GGTA1: variants seen among roughly 807,000 people sequenced by gnomAD.
The protein encoded by GGTA1 is glycoprotein alpha-galactosyltransferase 1 (inactive).
GGTA1 carries 5 observed loss-of-function variants against 2.6 expected under a neutral mutation model. That is an observed-to-expected ratio of 1.92 (90% CI 1.00 to 4.04). The LOEUF is 4.04. Ranked by LOEUF, GGTA1 falls within the 30% of genes most tolerant of loss-of-function variation. The pLI is 0.00. For synonymous variants in GGTA1, 17 were observed against 5.0 expected (o/e 3.38, Z -3.19); for missense variants, 50 against 16.7 (o/e 2.99, Z -3.47).
intron 1 of GGTA1, among the ~76,000 whole-genome samples, chr9:121,471,425 A>T (rs188246511): frequency 6.6e-6 from 1 of 152,364 alleles, no homozygotes; most frequent in African/African-American, 2.4e-5. Flanking sequence ...TTGCTGAGTG[A>T]ATGAAATCAA....
At chr9:121,479,396 G>T in intron 1 of GGTA1, 1 of 315,660 alleles carries the variant, frequency 3.2e-6, no homozygotes, top group South Asian at 2.6e-5. Context: ...TCAGCAGCCA[G>T]GGGCTTTGTT....
At chr9:121,453,740 G>A (rs16910623), downstream of GGTA1, among the ~76,000 whole-genome samples, 16,391 of 152,192 alleles carry the variant, frequency 0.11, 1,168 homozygotes, top group African/African-American at 0.2. Context: ...CAAATACGTC[G>A]GGCCAGCACG....
At chr9:121,492,855 T>A (rs1269139391) in intron 1 of GGTA1, among the ~76,000 whole-genome samples, 1 of 151,878 alleles carries the variant, frequency 6.6e-6, no homozygotes, top group East Asian at 2.0e-4. Context: ...TATTAAGAAC[T>A]AATCTTGAGG....
downstream of GGTA1, chr9:121,452,269 C>A (rs1048474243): frequency 6.5e-5 from 10 of 152,764 alleles, no homozygotes; most frequent in Non-Finnish European, 1.2e-4. Context: ...CTGTCACAAC[C>A]TCTGGGTGTT....
At chr9:121,475,677 A>G (rs1828495318) in intron 1 of GGTA1, among the ~76,000 whole-genome samples, 1 of 152,226 alleles carries the variant, frequency 6.6e-6, no homozygotes, top group African/African-American at 2.4e-5. Context: ...CAAGATTATC[A>G]TAGAGCTTCT....
At chr9:121,457,823 G>A (rs577491660) in intron 5 of GGTA1, among the ~76,000 whole-genome samples, 64 of 151,976 alleles carry the variant, frequency 4.2e-4, no homozygotes, top group African/African-American at 1.5e-3. Flanking sequence ...GGTCACAAAT[G>A]AGGATGTGGT....
At chr9:121,480,061 CT>C (rs532547013) in intron 1 of GGTA1, among the ~76,000 whole-genome samples, 62 of 139,734 alleles carry the variant, frequency 4.4e-4, no homozygotes, top group Admixed American at 5.9e-4. Context: ...CTTTTCTTTT[CT>C]TTTTTTTTTT....
At chr9:121,456,773 G>C (rs1367125158) in intron 5 of GGTA1, among the ~76,000 whole-genome samples, 1 of 152,086 alleles carries the variant, frequency 6.6e-6, no homozygotes, top group African/African-American at 2.4e-5. Flanking sequence ...TGGAATATAG[G>C]TGATCCTCCC....
intron 7 of GGTA1, among the ~76,000 whole-genome samples, chr9:121,448,160 TC>T (rs1208324572): frequency 1.3e-5 from 2 of 152,184 alleles, no homozygotes; most frequent in African/African-American, 4.8e-5. Context: ...TTTACCACCC[TC>T]TGCCTTCCTT....
At chr9:121,468,062 A>G (rs942948452) in intron 1 of GGTA1, 131 bp from the exon 2 acceptor site, 6 of 380,024 alleles carry the variant, frequency 1.6e-5, no homozygotes, top group Non-Finnish European at 3.1e-5. Context: ...TCTGGGATAC[A>G]TGTGCAGAAC....
intron 1 of GGTA1, among the ~76,000 whole-genome samples, chr9:121,479,816 A>C (rs1389075066): frequency 6.6e-6 from 1 of 152,210 alleles, no homozygotes; most frequent in Non-Finnish European, 1.5e-5. Flanking sequence ...CTTCCTCTAC[A>C]TCTTTTAGGC....
intron 1 of GGTA1, among the ~76,000 whole-genome samples, chr9:121,479,552 G>T (rs976266196): frequency 9.9e-5 from 15 of 152,152 alleles, no homozygotes; most frequent in Non-Finnish European, 1.5e-4. Flanking sequence ...CCTAGTATGG[G>T]AGGAGGAAAG....
chr9:121,475,648 C>A (rs898624945), intron 1 of GGTA1, among the ~76,000 whole-genome samples: 2 of 152,314 alleles, frequency 1.3e-5, no homozygotes, highest in African/African-American at 2.4e-5. Context: ...GTTTTTGGAA[C>A]TGGAGATGCT....
intron 1 of GGTA1, among the ~76,000 whole-genome samples, chr9:121,492,319 G>A (rs1447857748): frequency 5.9e-5 from 9 of 152,040 alleles, no homozygotes; most frequent in Admixed American, 5.9e-4. Flanking sequence ...CTTGGGCCTT[G>A]TACCATTTGG....
chr9:121,496,967 T>G (rs1362852613), intron 1 of GGTA1, among the ~76,000 whole-genome samples: 1 of 151,286 alleles, frequency 6.6e-6, no homozygotes, highest in Admixed American at 6.6e-5. Flanking sequence ...CGGAGGTGGG[T>G]GGATCACCTG....
intron 1 of GGTA1, among the ~76,000 whole-genome samples, chr9:121,497,065 C>T (rs181684396): frequency 5.4e-4 from 82 of 151,750 alleles, no homozygotes; most frequent in African/African-American, 1.7e-3. Context: ...TGGTGGTGCA[C>T]GCCTGTAATC....
chr9:121,490,643 T>C (rs1828854112), intron 1 of GGTA1, among the ~76,000 whole-genome samples: 1 of 152,244 alleles, frequency 6.6e-6, no homozygotes, highest in African/African-American at 2.4e-5. Context: ...GGAAGCCGCA[T>C]GGAGGCAGGT....
At chr9:121,475,782 G>T (rs10818547) in intron 1 of GGTA1, among the ~76,000 whole-genome samples, 42,278 of 152,030 alleles carry the variant, frequency 0.28, 6,331 homozygotes, top group Middle Eastern at 0.37. Flanking sequence ...ATGGGGAAGG[G>T]TGCAGTAATT....
chr9:121,493,718 C>T (rs1336741618), intron 1 of GGTA1, among the ~76,000 whole-genome samples: 1 of 151,206 alleles, frequency 6.6e-6, no homozygotes, highest in Non-Finnish European at 1.5e-5. Context: ...CTGGATACCC[C>T]ATCCTCCTTC....
Sources: allele counts gnomAD v4.1 joint callset (sites outside exome capture counted in the v4.1 genomes callset), GRCh38; gene constraint gnomAD v4.1.1; transcripts MANE v1.5; gene names NCBI Gene and HGNC (gene_info 2026-07-23, HGNC 2026-07-21).